The following CACNA1B variants were observed in gnomAD, a reference collection of about 807,000 sequenced individuals.
CACNA1B encodes calcium voltage-gated channel subunit alpha1 B.
In CACNA1B, 70 loss-of-function variants were observed where a neutral mutation model predicts 247.2. That is an observed-to-expected ratio of 0.28 (90% CI 0.23 to 0.35). CACNA1B has a LOEUF of 0.35. Among genes scored for constraint, CACNA1B ranks in the 10% least tolerant of loss-of-function variants. The pLI is 1.00. For missense variants in CACNA1B, 2,367 were observed against 3,197.4 expected (o/e 0.74, Z 6.26); for synonymous variants, 1,231 against 1,294.4 (o/e 0.95, Z 1.05).
intron 3 of CACNA1B, among the ~76,000 whole-genome samples, chr9:137,886,262 T>A (rs1385274020): frequency 6.6e-6 from 1 of 151,158 alleles, no homozygotes; most frequent in Non-Finnish European, 1.5e-5. Context: ...GTGTCTGACA[T>A]GGGGGCCTCC....
intron 35 of CACNA1B, among the ~76,000 whole-genome samples, chr9:138,077,033 C>CA (rs1454906757): frequency 2.0e-5 from 3 of 152,224 alleles, no homozygotes; most frequent in Non-Finnish European, 4.4e-5. Flanking sequence ...AGACTTAAGG[C>CA]AAACCTATGA....
chr9:137,921,974 G>A lies in CACNA1B; in HGVS notation c.966+4543G>A, dbSNP rs574733532. Reference sequence around the variant, plus strand: ...ATCCTGGGAGCAGAGTAAAGTGTTCGGAGAACACGATCAGCACCGCGACCG... The same window carrying A: ...ATCCTGGGAGCAGAGTAAAGTGTTCAGAGAACACGATCAGCACCGCGACCG... On this transcript the variant is annotated intron_variant, in intron 6 of 46. Coordinates refer to ENST00000371372, the MANE Select transcript of CACNA1B (RefSeq NM_000718.4). Among the ~76,000 whole-genome samples, 652 of 146,110 alleles carry A rather than the reference G, an allele frequency of 4.5e-3. 7 individuals carry two copies. The highest frequency in any genetic ancestry group is 7.5e-3 in the Non-Finnish European group (495 of 65,962).
chr9:138,107,369 C>T (rs1231032262), intron 39 of CACNA1B, among the ~76,000 whole-genome samples: 2 of 151,816 alleles, frequency 1.3e-5, no homozygotes, highest in Non-Finnish European at 2.9e-5. Flanking sequence ...GCCTCGGCCT[C>T]CCAAAGTGCT....
chr9:138,114,289 G>T (rs982197606), intron 40 of CACNA1B, 89 bp from the exon 41 acceptor site: 1 of 688,488 alleles, frequency 1.5e-6, no homozygotes. Context: ...CGAGGGAGGG[G>T]CGGCTGTTTC....
At chr9:138,113,196 ACCT>A (rs983387105) in intron 40 of CACNA1B, among the ~76,000 whole-genome samples, 25 of 139,260 alleles carry the variant, frequency 1.8e-4, no homozygotes, top group Non-Finnish European at 2.0e-4. Flanking sequence ...GGACGTGCAC[ACCT>A]CCTTCTTTTG....
At chr9:138,076,283 C>T (rs375921637) in intron 35 of CACNA1B, among the ~76,000 whole-genome samples, 6 of 152,154 alleles carry the variant, frequency 3.9e-5, no homozygotes, top group African/African-American at 1.2e-4. Context: ...TCTTGAAGTG[C>T]GGGCCTCCAG....
At chr9:138,049,377 G>T in intron 24 of CACNA1B, 62 bp downstream of exon 24, 1 of 1,090,058 alleles carries the variant, frequency 9.2e-7, no homozygotes, top group South Asian at 1.3e-5. Flanking sequence ...GGGCGTGAGG[G>T]TGAGGGAATA....
Position 138,072,132 on chromosome 9 carries a change from G to A in CACNA1B, c.4675-1356G>A, listed in dbSNP as rs373453452. 1.1e-3 allele frequency among the ~76,000 whole-genome samples: 171 copies of A among 152,266 alleles called. 1 individual carries two copies. The highest frequency in any genetic ancestry group is 3.7e-3 in the African/African-American group (152 of 41,568). On this transcript the variant is annotated intron_variant, in intron 32 of 46. Transcript: ENST00000371372. This position sits in a 1 kb window ranked among gnomAD's most constrained non-coding sequence, Gnocchi z 4.5. ...TCACACCCTGAGGTCTACTGCTGCC[G>A]CCTTGCTGATTTGGATCATAGCCCG...
intron 20 of CACNA1B, among the ~76,000 whole-genome samples, chr9:138,026,157 G>T (rs1459337482): frequency 6.6e-6 from 1 of 152,198 alleles, no homozygotes; most frequent in East Asian, 1.9e-4. Context: ...TCTTGCTCAG[G>T]TGCTCTCACC....
At chr9:138,103,529 C>G (rs1416968993) in intron 38 of CACNA1B, among the ~76,000 whole-genome samples, 1 of 152,114 alleles carries the variant, frequency 6.6e-6, no homozygotes, top group Non-Finnish European at 1.5e-5. Context: ...AGGGATGCCT[C>G]CAGGCCTCCC....
chr9:138,016,804 C>T (rs1461355146), intron 18 of CACNA1B, among the ~76,000 whole-genome samples: 1 of 152,340 alleles, frequency 6.6e-6, no homozygotes, highest in South Asian at 2.1e-4. Context: ...GCAGGAAAAT[C>T]GGTGTTGGGT....
chr9:138,109,985 C>G (rs1038177179), intron 39 of CACNA1B, among the ~76,000 whole-genome samples: 1 of 151,926 alleles, frequency 6.6e-6, no homozygotes, highest in African/African-American at 2.4e-5. Context: ...ACCTGGGAGT[C>G]GGAGGTTGCA....
At chr9:137,980,265 C>T (rs917557253) in intron 12 of CACNA1B, among the ~76,000 whole-genome samples, 1 of 152,202 alleles carries the variant, frequency 6.6e-6, no homozygotes, top group Non-Finnish European at 1.5e-5. Context: ...CTACCCACAC[C>T]TATTAGGCCT....
At chr9:137,975,727 C>G (rs1376068912) in intron 11 of CACNA1B, among the ~76,000 whole-genome samples, 180 bp from the exon 12 acceptor site, 1 of 152,206 alleles carries the variant, frequency 6.6e-6, no homozygotes, top group African/African-American at 2.4e-5. Flanking sequence ...GGTACCTCTC[C>G]GTGTCCCTCT....
chr9:138,122,026 CA>C lies in CACNA1B; in HGVS notation c.*28del. The C allele has an allele frequency of 6.4e-7, 1 of 1,572,444 alleles. No homozygotes were observed. The highest frequency in any genetic ancestry group is 8.6e-7 in the Non-Finnish European group (1 of 1,163,240). ...TGCACCGTGACCGCTCAGACGCCTG[CA>C]TGCAGCAGGCGTGTGTTCCAGTGGA... On this transcript the variant is annotated 3_prime_UTR_variant, in exon 47 of 47. Transcript: ENST00000371372.
At chr9:138,117,061 A>G (rs1219204478) in intron 42 of CACNA1B, among the ~76,000 whole-genome samples, 1 of 152,244 alleles carries the variant, frequency 6.6e-6, no homozygotes. Flanking sequence ...CTCAACCTGC[A>G]TGACTAAGAA....
chr9:138,112,642 T>C, intron 40 of CACNA1B, 137 bp downstream of exon 40: 1 of 644,200 alleles, frequency 1.6e-6, no homozygotes, highest in East Asian at 2.8e-5. Context: ...CTCATGAATC[T>C]GCCCTCAGCT....
In CACNA1B at chr9:138,121,013, G is replaced by A. The variant is rs567485680; in HGVS notation, c.6489+132G>A. The A allele has an allele frequency of 1.5e-5, 16 of 1,091,990 alleles. No individual in the cohort carries two copies. In the African/African-American group the frequency reaches 1.9e-4, roughly 13 times the overall value. 67.6% of individuals were successfully genotyped at this position (1,091,990 alleles called of 1,614,324 possible). A position where few individuals can be genotyped will look rare whatever the true frequency, so the allele number is the denominator to read the frequency against. ...TCATTCCCAGCAACCCAAGGGCCGG[G>A]CGCTCCCCTCTGTGCCCTGTCCCGG... is the stretch of plus-strand genomic sequence containing the variant. On this transcript the variant is annotated intron_variant, in intron 46 of 46. Coordinates refer to ENST00000371372, the MANE Select transcript of CACNA1B (RefSeq NM_000718.4). The surrounding 1 kb of genome is among the most constrained non-coding windows in gnomAD (Gnocchi z 6.8).
chr9:137,879,582 C>CA (rs1284874192), intron 2 of CACNA1B, among the ~76,000 whole-genome samples: 1 of 152,266 alleles, frequency 6.6e-6, no homozygotes, highest in Admixed American at 6.5e-5. Context: ...CCCTGAGCCT[C>CA]ATCCTCCAAG....
Sources: gnomAD v4.1 joint callset for allele counts (sites outside exome capture counted in the v4.1 genomes callset) on GRCh38, gnomAD v4.1.1 for gene constraint, Gnocchi (gnomAD v3.1) non-coding constraint, MANE v1.5 for transcripts, NCBI Gene and HGNC (gene_info 2026-07-23, HGNC 2026-07-21) for gene names.